CDH4: variants seen among roughly 807,000 people sequenced by gnomAD.
CDH4 encodes cadherin-4.
A neutral mutation model predicts 86.0 loss-of-function variants in CDH4; 33 were observed. That is an observed-to-expected ratio of 0.38 (90% CI 0.29 to 0.51). CDH4 has a LOEUF of 0.51. CDH4 is among the 20% of genes least tolerant of loss of function. CDH4 has a pLI of 0.86. For missense variants in CDH4, 1,114 were observed against 1,307.4 expected, an observed-to-expected ratio of 0.85 and a Z score of 2.28; for synonymous variants, 555 against 549.4, an observed-to-expected ratio of 1.01 and a Z score of -0.14.
intron 2 of CDH4, among the ~76,000 whole-genome samples, chr20:61,538,375 A>G (rs6061623): frequency 0.31 from 47,366 of 151,902 alleles, 11,794 homozygotes; most frequent in African/African-American, 0.69. Flanking sequence ...CATCAAGTCA[A>G]GAGGTTTACT....
chr20:61,769,029 C>T (rs538260085), intron 3 of CDH4, among the ~76,000 whole-genome samples: 7 of 152,302 alleles, frequency 4.6e-5, no homozygotes, highest in South Asian at 2.1e-4. Flanking sequence ...CTCCGTCTCC[C>T]GCTGGGAGAT....
intron 2 of CDH4, among the ~76,000 whole-genome samples, chr20:61,572,546 C>T (rs781458598): frequency 6.6e-6 from 1 of 152,194 alleles, no homozygotes; most frequent in Non-Finnish European, 1.5e-5. Context: ...AACTCCTGCC[C>T]TGCCATTCTT....
At chr20:61,643,385 G>A (rs1428133045) in intron 2 of CDH4, among the ~76,000 whole-genome samples, 2 of 152,200 alleles carry the variant, frequency 1.3e-5, no homozygotes, top group Non-Finnish European at 2.9e-5. Context: ...GTTTCAATAT[G>A]AGTCCCAGAG....
At chr20:61,387,043 T>A (rs1216785077) in intron 2 of CDH4, among the ~76,000 whole-genome samples, 1 of 152,282 alleles carries the variant, frequency 6.6e-6, no homozygotes, top group African/African-American at 2.4e-5. Context: ...GGATTCTTTT[T>A]ATATTTTGCA....
chr20:61,817,647 G>A (rs922123084), intron 4 of CDH4, among the ~76,000 whole-genome samples: 1 of 152,122 alleles, frequency 6.6e-6, no homozygotes, highest in Non-Finnish European at 1.5e-5. Flanking sequence ...TGAGTGCCCC[G>A]AGGTCACAGG....
intron 2 of CDH4, among the ~76,000 whole-genome samples, chr20:61,524,809 A>G (rs951820003): frequency 2.6e-5 from 4 of 152,214 alleles, no homozygotes; most frequent in Admixed American, 1.3e-4. Context: ...AAATTTTTAA[A>G]TGCATTTTTA....
chr20:61,769,360 C>G (rs532442507), intron 3 of CDH4, among the ~76,000 whole-genome samples: 16 of 152,328 alleles, frequency 1.1e-4, no homozygotes, highest in African/African-American at 3.8e-4. Flanking sequence ...CCTGGGAGCT[C>G]AGACCTGTTT....
At chr20:61,833,706 C>T (rs13038902) in intron 4 of CDH4, among the ~76,000 whole-genome samples, 62,662 of 151,830 alleles carry the variant, frequency 0.41, 15,884 homozygotes, top group Non-Finnish European at 0.58. Context: ...ACTGACTGAG[C>T]ACAGTACTCA....
chr20:61,572,681 A>C (rs1207137354), intron 2 of CDH4, among the ~76,000 whole-genome samples: 1 of 152,156 alleles, frequency 6.6e-6, no homozygotes, highest in African/African-American at 2.4e-5. Context: ...CCATATTTCC[A>C]CCATCTGGAT....
chr20:61,349,726 G>A (rs183622295), intron 2 of CDH4, among the ~76,000 whole-genome samples: 1 of 152,192 alleles, frequency 6.6e-6, no homozygotes. Context: ...GTCCCTCGTG[G>A]AGACGGCTCT....
rs1380395562 is a variant in CDH4, at chr20:61,415,366, G to T, written c.169+160429G>T. On this transcript the variant is annotated intron_variant, in intron 2 of 15. Coordinates refer to ENST00000614565, the MANE Select transcript of CDH4 (RefSeq NM_001794.5). ...AAACAGTAAAACTAATTCTTATTGTGGTGAATGTATTTACAAAATTTAACC... is the reference window on the plus strand; with the variant it reads ...AAACAGTAAAACTAATTCTTATTGTTGTGAATGTATTTACAAAATTTAACC... Among the ~76,000 whole-genome samples the T allele has an allele frequency of 2.0e-5, 3 of 152,278 alleles. No individual in the cohort carries two copies. The East Asian group carries it at 5.8e-4, about 29-fold the overall frequency.
chr20:61,626,260 G>T (rs1230785505), intron 2 of CDH4, among the ~76,000 whole-genome samples: 1 of 152,122 alleles, frequency 6.6e-6, no homozygotes, highest in East Asian at 1.9e-4. Context: ...TTTTAAATGG[G>T]ACGTCAGAGC....
intron 2 of CDH4, among the ~76,000 whole-genome samples, chr20:61,424,554 C>T (rs1485837733): frequency 6.6e-6 from 1 of 152,232 alleles, no homozygotes; most frequent in East Asian, 1.9e-4. Context: ...AGACCCTCCA[C>T]TGCAGCCACT....
intron 4 of CDH4, among the ~76,000 whole-genome samples, chr20:61,824,771 G>T (rs116106477): frequency 6.6e-6 from 1 of 152,138 alleles, no homozygotes; most frequent in Admixed American, 6.5e-5. Context: ...CCTTTTATCC[G>T]CTTAGTCTGT....
chr20:61,746,773 A>G (rs1198131698), intron 3 of CDH4, among the ~76,000 whole-genome samples: 1 of 152,244 alleles, frequency 6.6e-6, no homozygotes, highest in African/African-American at 2.4e-5. Flanking sequence ...ACAGCAGCGC[A>G]TATGGCTGTC....
rs376690681 is a variant in CDH4, at chr20:61,517,479, G to A, written c.170-226084G>A. On this transcript the variant is annotated intron_variant, in intron 2 of 15. Coordinates refer to ENST00000614565, the MANE Select transcript of CDH4 (RefSeq NM_001794.5). The surrounding 1 kb of genome is among the most constrained non-coding windows in gnomAD (Gnocchi z 6.6). ...CAAAGTGCTGGGATTGCAGGTATGAGCCACCATGCCTGGCCTATAGACTTT... is the reference window on the plus strand; with the variant it reads ...CAAAGTGCTGGGATTGCAGGTATGAACCACCATGCCTGGCCTATAGACTTT... Among the ~76,000 whole-genome samples, 10 of 152,192 alleles carry A rather than the reference G, an allele frequency of 6.6e-5. No individual in the cohort carries two copies. The highest frequency in any genetic ancestry group is 2.1e-4 in the South Asian group (1 of 4,828).
intron 2 of CDH4, among the ~76,000 whole-genome samples, chr20:61,717,301 G>T (rs1385763475): frequency 6.6e-6 from 1 of 152,194 alleles, no homozygotes; most frequent in Non-Finnish European, 1.5e-5. Flanking sequence ...ACAACACAGG[G>T]TGGACAGGAC....
chr20:61,526,623 T>C (rs1056574816), intron 2 of CDH4, among the ~76,000 whole-genome samples: 4 of 150,358 alleles, frequency 2.7e-5, no homozygotes, highest in African/African-American at 7.3e-5. Context: ...GCATTAGGTA[T>C]ATCTCCCAAT....
intron 2 of CDH4, among the ~76,000 whole-genome samples, chr20:61,730,256 C>A (rs1197005766): frequency 6.6e-6 from 1 of 152,132 alleles, no homozygotes; most frequent in East Asian, 1.9e-4. Flanking sequence ...TGCATGGTGA[C>A]ACGGAGCCAC....
Sources: allele counts gnomAD v4.1 joint callset (sites outside exome capture counted in the v4.1 genomes callset), GRCh38; gene constraint gnomAD v4.1.1; non-coding constraint Gnocchi (gnomAD v3.1); transcripts MANE v1.5; gene names NCBI Gene and HGNC (gene_info 2026-07-23, HGNC 2026-07-21).